The following SATB2 variants were observed in gnomAD, a reference collection of about 807,000 sequenced individuals.
SATB2 encodes DNA-binding protein SATB2.
A neutral mutation model predicts 73.4 loss-of-function variants in SATB2; 1 was observed. That is an observed-to-expected ratio of 0.01 (90% CI 0.00 to 0.06). SATB2 has a LOEUF of 0.06. SATB2 is among the 10% of genes least tolerant of loss of function. The probability of loss-of-function intolerance (pLI) is 1.00; values close to 1 mark genes in which losing one functional copy is unlikely to be tolerated. For synonymous variants in SATB2, 397 were observed against 367.0 expected (o/e 1.08, Z -0.93); for missense variants, 459 against 945.8 (o/e 0.49, Z 6.75).
chr2:199,311,306 T>G (rs2105772676), intron 9 of SATB2, among the ~76,000 whole-genome samples: 1 of 152,268 alleles, frequency 6.6e-6, no homozygotes, highest in East Asian at 1.9e-4. Context: ...ATTAATCTAG[T>G]TTCCCCACAA....
chr2:199,390,406 G>T (rs775593613), intron 3 of SATB2, among the ~76,000 whole-genome samples: 13 of 152,092 alleles, frequency 8.5e-5, no homozygotes, highest in Non-Finnish European at 1.8e-4. Context: ...TCTTATTGTT[G>T]TTCTAAGTTT....
At chr2:199,310,084 T>C (rs1486627003) in intron 9 of SATB2, among the ~76,000 whole-genome samples, 1 of 152,226 alleles carries the variant, frequency 6.6e-6, no homozygotes, top group African/African-American at 2.4e-5. Flanking sequence ...GTTCTCATTG[T>C]GCAGCCTCTT....
In SATB2 at chr2:199,433,414, A is replaced by G; in HGVS notation, c.270T>C (p.Asp90=). 1 of 1,614,192 alleles carries G rather than the reference A, an allele frequency of 6.2e-7. No individual in the cohort carries two copies. The highest frequency in any genetic ancestry group is 8.5e-7 in the Non-Finnish European group (1 of 1,180,030). ...TCTCCACCAGCTGGCTAAAAAGCAC[A>G]TCTTTCCGCACCAGGACAAACTCGG... ...EHAEFVLVRK[D]VLFSQLVETA... is the part of the protein sequence containing the mutation. Residue 90 remains aspartate, a synonymous_variant, in exon 3 of 11, where the codon GAT becomes GAC. Transcript: ENST00000417098.
intron 6 of SATB2, among the ~76,000 whole-genome samples, chr2:199,361,690 C>T (rs1689141610): frequency 6.6e-6 from 1 of 152,062 alleles, no homozygotes; most frequent in South Asian, 2.1e-4. Flanking sequence ...GGTGTGTTCT[C>T]TACCTTCTCA....
chr2:199,323,476 T>TATACACACACAC (rs10653288), intron 9 of SATB2, among the ~76,000 whole-genome samples: 4 of 142,848 alleles, frequency 2.8e-5, no homozygotes, highest in African/African-American at 5.3e-5. Context: ...GTTTTGTTCA[T>TATACACACACAC]ACACACACAC....
chr2:199,326,370 GC>G (rs1321052481), intron 8 of SATB2, among the ~76,000 whole-genome samples: 3 of 151,980 alleles, frequency 2.0e-5, no homozygotes, highest in African/African-American at 7.2e-5. Context: ...AGATTTCCCT[GC>G]TACACCTATC....
At chr2:199,330,883 T>C (rs2105798094) in intron 7 of SATB2, among the ~76,000 whole-genome samples, 1 of 152,252 alleles carries the variant, frequency 6.6e-6, no homozygotes, top group South Asian at 2.1e-4. Flanking sequence ...CTTTTTCCTC[T>C]CCCTCCTTCC....
chr2:199,324,090 A>T, intron 8 of SATB2, 132 bp from the exon 9 acceptor site: 1 of 902,272 alleles, frequency 1.1e-6, no homozygotes, highest in Non-Finnish European at 1.8e-6. Flanking sequence ...CTTCCTGTCC[A>T]TTATTCTAAT....
chr2:199,345,002 T>C (rs983027103), intron 7 of SATB2, among the ~76,000 whole-genome samples: 1 of 152,180 alleles, frequency 6.6e-6, no homozygotes, highest in African/African-American at 2.4e-5. Flanking sequence ...TTTCCACAAG[T>C]AGACAAGTCT....
At position 199,457,082 on chromosome 2, in the gene SATB2, A is replaced by AATCCTCGTGGGCGCTCTGGCC. The variant is rs1472692432; in HGVS notation, c.-60+236_-60+256dup. 2.3e-4 allele frequency among the ~76,000 whole-genome samples: 35 copies of AATCCTCGTGGGCGCTCTGGCC among 152,144 alleles called. No individual in the cohort carries two copies. The highest frequency in any genetic ancestry group is 4.1e-4 in the Non-Finnish European group (28 of 68,020). ...GGCACCGTACTGCGTGCGCGCTGGGAATCCTCGTGGGCGCTCTGGCCGCGC... is the reference window on the plus strand; with the variant it reads ...GGCACCGTACTGCGTGCGCGCTGGGAATCCTCGTGGGCGCTCTGGCCATCCTCGTGGGCGCTCTGGCCGCGC... On this transcript the variant is annotated intron_variant, in intron 1 of 10. Transcript: ENST00000417098. This position sits in a 1 kb window ranked among gnomAD's most constrained non-coding sequence, Gnocchi z 4.8.
chr2:199,315,505 T>C (rs966427448), intron 9 of SATB2, among the ~76,000 whole-genome samples: 3 of 151,964 alleles, frequency 2.0e-5, no homozygotes, highest in African/African-American at 4.8e-5. Flanking sequence ...ACACCACAGA[T>C]GAAAAGAGTG....
intron 7 of SATB2, among the ~76,000 whole-genome samples, chr2:199,340,170 T>C (rs1265178146): frequency 6.6e-6 from 1 of 152,226 alleles, no homozygotes; most frequent in African/African-American, 2.4e-5. Context: ...AGTGACTTCA[T>C]AAATTGTATT....
intron 4 of SATB2, 112 bp from the exon 5 acceptor site, chr2:199,380,599 G>A: frequency 3.7e-6 from 5 of 1,333,808 alleles, no homozygotes; most frequent in South Asian, 3.6e-5. Flanking sequence ...CAGAAGAAAT[G>A]CTAAAGAATG....
chr2:199,382,633 A>T (rs1464143426), intron 3 of SATB2, among the ~76,000 whole-genome samples: 1 of 152,194 alleles, frequency 6.6e-6, no homozygotes, highest in Non-Finnish European at 1.5e-5. Flanking sequence ...ATATGGTGAA[A>T]ATGCTAACTT....
At chr2:199,275,191 T>G (rs1406475524) in intron 10 of SATB2, among the ~76,000 whole-genome samples, 1 of 152,196 alleles carries the variant, frequency 6.6e-6, no homozygotes, top group Non-Finnish European at 1.5e-5. Context: ...CACTGTGCAC[T>G]GGTTAGATTT....
At chr2:199,468,370 G>A (rs1313087476), upstream of SATB2, 1 of 151,706 alleles carries the variant, frequency 6.6e-6, no homozygotes, top group Non-Finnish European at 1.5e-5. Flanking sequence ...GTATCAAAGG[G>A]TGCACTTGTT....
At chr2:199,361,226 G>A (rs1034488664) in intron 6 of SATB2, among the ~76,000 whole-genome samples, 4 of 152,122 alleles carry the variant, frequency 2.6e-5, no homozygotes, top group Non-Finnish European at 2.9e-5. Context: ...CAGCAATTTC[G>A]TCTCCATTGG....
intron 5 of SATB2, among the ~76,000 whole-genome samples, chr2:199,378,634 T>C (rs748522372): frequency 6.6e-6 from 1 of 152,140 alleles, no homozygotes; most frequent in Non-Finnish European, 1.5e-5. Context: ...ATTAATAGCA[T>C]ACTTTGCTTC....
At chr2:199,469,882 G>C (rs1574656597), upstream of SATB2, 1 of 152,436 alleles carries the variant, frequency 6.6e-6, no homozygotes, top group Non-Finnish European at 1.5e-5. Flanking sequence ...AGGAGCAGGG[G>C]GTAGAGAAAG....
Sources: gnomAD v4.1 joint callset for allele counts (sites outside exome capture counted in the v4.1 genomes callset) on GRCh38, gnomAD v4.1.1 for gene constraint, Gnocchi (gnomAD v3.1) non-coding constraint, MANE v1.5 for transcripts, NCBI Gene and HGNC (gene_info 2026-07-23, HGNC 2026-07-21) for gene names.